ZNF782: variants seen among roughly 807,000 people sequenced by gnomAD.
ZNF782 encodes zinc finger protein 782.
A neutral mutation model predicts 13.0 loss-of-function variants in ZNF782; 12 were observed. That is an observed-to-expected ratio of 0.92 (90% CI 0.59 to 1.50). The LOEUF is 1.50. ZNF782 is among the 40% of genes most tolerant of loss of function. The probability of loss-of-function intolerance (pLI) is 0.00; values close to 1 mark genes in which losing one functional copy is unlikely to be tolerated. For synonymous variants in ZNF782, 284 were observed against 283.0 expected (o/e 1.00, Z -0.04); for missense variants, 770 against 822.9 (o/e 0.94, Z 0.79).
Position 96,843,391 on chromosome 9 carries a change from A to G in ZNF782, c.142+1499T>C, listed in dbSNP as rs183793004. ...GATACACTACAACTTGGATCTCAAGAGCATTACGCTGAGTGAAAAAGCCAG... is the reference window on the plus strand; with the variant it reads ...GATACACTACAACTTGGATCTCAAGGGCATTACGCTGAGTGAAAAAGCCAG... On this transcript the variant is annotated intron_variant, in intron 4 of 5. Transcript: ENST00000481138. Among the ~76,000 whole-genome samples, 67 of 152,312 alleles carry G rather than the reference A, an allele frequency of 4.4e-4. No individual in the cohort carries two copies. The Middle Eastern group carries it at 0.014, about 31-fold the overall frequency.
the ZNF782 span, among the ~76,000 whole-genome samples, chr9:96,897,190 T>C: frequency 6.6e-6 from 1 of 151,670 alleles, no homozygotes; most frequent in South Asian, 2.1e-4. Flanking sequence ...CACTGGAGAG[T>C]TTCATGTGCC....
At chr9:96,872,102 T>G (rs943102449) in intron 1 of ZNF782, among the ~76,000 whole-genome samples, 2 of 152,246 alleles carry the variant, frequency 1.3e-5, no homozygotes, top group Non-Finnish European at 2.9e-5. Context: ...CTAAAAAAAT[T>G]ATCATTTATG....
intron 4 of ZNF782, among the ~76,000 whole-genome samples, chr9:96,830,282 A>G (rs187399420): frequency 9.7e-4 from 148 of 152,274 alleles, no homozygotes; most frequent in South Asian, 1.5e-3. Flanking sequence ...ACCAGGCTGT[A>G]AGAAGGCTCC....
chr9:96,858,561 G>C (rs962889328), upstream of ZNF782, among the ~76,000 whole-genome samples: 3 of 152,216 alleles, frequency 2.0e-5, no homozygotes, highest in Non-Finnish European at 2.9e-5. The surrounding 1 kb of genome is among the most constrained non-coding windows in gnomAD (Gnocchi z 4.4). Flanking sequence ...TAGGCAGGGT[G>C]AGCCAGGGAG....
intron 5 of ZNF782, among the ~76,000 whole-genome samples, chr9:96,823,769 G>C (rs1850507085): frequency 6.6e-6 from 1 of 152,042 alleles, no homozygotes; most frequent in African/African-American, 2.4e-5. Context: ...CTCTTAATAG[G>C]TGAATTTAAT....
In ZNF782 at chr9:96,818,322, A is replaced by G. The variant is rs182416861; in HGVS notation, c.1701T>C (p.Cys567=). Residue 567 remains cysteine, a synonymous_variant, in exon 6 of 6, where the codon TGT becomes TGC. Transcript: ENST00000481138. ...TGEKPYKCNH[C]GEAFSQKSNL... is the part of the protein sequence containing the mutation. ...TTGATTTCTGACTGAAAGCTTCCCC[A>G]CAATGATTACATTTATAGGGTTTTT... 2.4e-5 allele frequency: 39 copies of G among 1,614,128 alleles called. No homozygotes were observed. The highest frequency in any genetic ancestry group is 3.3e-5 in the Non-Finnish European group (39 of 1,180,020).
upstream of ZNF782, among the ~76,000 whole-genome samples, chr9:96,854,905 G>T (rs978871372): frequency 1.3e-5 from 2 of 148,786 alleles, no homozygotes; most frequent in African/African-American, 5.0e-5. Context: ...TAAGAATTTT[G>T]TAGAAATTTT....
intron 5 of ZNF782, among the ~76,000 whole-genome samples, chr9:96,821,053 ATATT>A (rs541114622): frequency 1.7e-3 from 265 of 152,294 alleles, no homozygotes; most frequent in African/African-American, 5.8e-3. Flanking sequence ...CATATCCTTT[ATATT>A]TATTTATCAT....
At chr9:96,889,056 T>A in the ZNF782 span, 1 of 152,264 alleles carries the variant, frequency 6.6e-6, no homozygotes, top group African/African-American at 2.4e-5. Context: ...TCCAGGGCTT[T>A]GCAAAACTGT....
chr9:96,932,982 T>TC, the ZNF782 span, among the ~76,000 whole-genome samples: 267 of 147,582 alleles, frequency 1.8e-3, 3 homozygotes, highest in African/African-American at 6.2e-3. Flanking sequence ...TCTTTTCTTT[T>TC]TTTTTTTTTT....
chr9:96,852,537 C>T (rs1443861433), intron 2 of ZNF782, among the ~76,000 whole-genome samples: 2 of 152,078 alleles, frequency 1.3e-5, no homozygotes, highest in East Asian at 1.9e-4. Context: ...GTCCCTGCTA[C>T]TTGGGAGGCT....
In ZNF782 at chr9:96,842,490, T is replaced by C. The variant is rs192801333; in HGVS notation, c.142+2400A>G. Among the ~76,000 whole-genome samples, 689 of 152,154 alleles carry C rather than the reference T, an allele frequency of 4.5e-3. 6 individuals are homozygous for C. The highest frequency in any genetic ancestry group is 0.016 in the African/African-American group (658 of 41,566). ...GCTATTCAATGAAGGGTAATGGTGT[T>C]GCATGGAGCAAATGGATATCCATAG... On this transcript the variant is annotated intron_variant, in intron 4 of 5. Transcript: ENST00000481138.
At chr9:96,835,158 A>G (rs947787185) in intron 4 of ZNF782, among the ~76,000 whole-genome samples, 3 of 152,214 alleles carry the variant, frequency 2.0e-5, no homozygotes, top group African/African-American at 7.2e-5. Flanking sequence ...GTGGTGAACT[A>G]GTATAACTGG....
Position 96,819,720 on chromosome 9 carries a change from C to G in ZNF782, c.303G>C (p.Leu101Phe). 6.2e-7 allele frequency: 1 copy of G among 1,612,114 alleles called. No individual in the cohort carries two copies. Among genetic ancestry groups the G allele is most frequent in the Non-Finnish European group, 8.5e-7 (1 of 1,179,452 alleles). The change falls in exon 6 of 6, where the codon TTG becomes TTC. Residue 101 changes from leucine (L) to phenylalanine (F), a missense_variant. Coordinates refer to ENST00000481138, the MANE Select transcript of ZNF782 (RefSeq NM_001001662.3). ...EKSPENQGKH[L>F]LQVLFTNKLL... ...ATTTATTGGTGAATAAAACTTGCAACAAATGTTTGCCTTGATTTTCTGGGC... is the reference window on the plus strand; with the variant it reads ...ATTTATTGGTGAATAAAACTTGCAAGAAATGTTTGCCTTGATTTTCTGGGC...
At position 96,850,306 on chromosome 9, in the gene ZNF782, G is replaced by A. The variant is rs1439427754; in HGVS notation, c.15+1641C>T. On this transcript the variant is annotated intron_variant, in intron 3 of 5. Transcript: ENST00000481138. This position sits in a 1 kb window ranked among gnomAD's most constrained non-coding sequence, Gnocchi z 4.3. ...AGAAAATGTGGTACCTATACACCAT[G>A]GAATACTACTCAGCCATAAAAAGGA... 6.6e-6 allele frequency among the ~76,000 whole-genome samples: 1 copy of A among 152,186 alleles called. No homozygotes were observed. Among genetic ancestry groups the A allele is most frequent in the East Asian group, 1.9e-4 (1 of 5,196 alleles).
chr9:96,928,114 G>A, the ZNF782 span, among the ~76,000 whole-genome samples: 1 of 151,522 alleles, frequency 6.6e-6, no homozygotes, highest in African/African-American at 2.4e-5. Context: ...GAGGTGGGAG[G>A]AAGGCTGGTC....
At chr9:96,831,511 C>G (rs528128218) in intron 4 of ZNF782, among the ~76,000 whole-genome samples, 135 of 152,052 alleles carry the variant, frequency 8.9e-4, no homozygotes, top group Non-Finnish European at 1.4e-3. Context: ...AGATTGAGAC[C>G]ATCCTGGCTA....
the ZNF782 span, among the ~76,000 whole-genome samples, chr9:96,896,780 T>A: frequency 1.3e-5 from 2 of 152,226 alleles, no homozygotes; most frequent in African/African-American, 4.8e-5. Flanking sequence ...TTGGGCTTTA[T>A]GTTTCAGGAG....
chr9:96,885,963 T>C, the ZNF782 span, among the ~76,000 whole-genome samples: 1 of 152,084 alleles, frequency 6.6e-6, no homozygotes, highest in Non-Finnish European at 1.5e-5. Flanking sequence ...TCCTCTAGCC[T>C]CAGCCTCCCA....
Sources: allele counts gnomAD v4.1 joint callset (sites outside exome capture counted in the v4.1 genomes callset), GRCh38; gene constraint gnomAD v4.1.1; non-coding constraint Gnocchi (gnomAD v3.1); transcripts MANE v1.5; gene names NCBI Gene and HGNC (gene_info 2026-07-23, HGNC 2026-07-21).